TYW1: variants seen among roughly 807,000 people sequenced by gnomAD.
The protein encoded by TYW1 is S-adenosyl-L-methionine-dependent tRNA 4-demethylwyosine synthase TYW1.
In TYW1, 46 loss-of-function variants were observed where a neutral mutation model predicts 96.2. The observed-to-expected ratio is 0.48, with a 90% CI of 0.38 to 0.61. The LOEUF (loss-of-function observed/expected upper bound fraction) is 0.61. Among genes scored for constraint, TYW1 ranks in the 20% least tolerant of loss-of-function variants. The pLI, the probability that TYW1 is intolerant of heterozygous loss-of-function variation, is 0.00. For missense variants in TYW1, 684 were observed against 909.6 expected (o/e 0.75, Z 3.19); for synonymous variants, 274 against 323.0 (o/e 0.85, Z 1.63).
At position 67,000,304 on chromosome 7, in the gene TYW1, T is replaced by A. The variant is rs188761405; in HGVS notation, c.273+1350T>A. ...AAGGTCACAGCTATTTTAAAAAAAT[T>A]TATTTTATTTTTGAGATGGTATCTC... On this transcript the variant is annotated intron_variant, in intron 3 of 15. Coordinates refer to ENST00000359626, the MANE Select transcript of TYW1 (RefSeq NM_018264.4). Among the ~76,000 whole-genome samples the A allele has an allele frequency of 4.1e-4, 63 of 152,040 alleles. 1 individual carries two copies. Among genetic ancestry groups the A allele is most frequent in the Admixed American group, 1.2e-3 (19 of 15,256 alleles).
chr7:66,999,407 T>G (rs1793301023), intron 3 of TYW1, among the ~76,000 whole-genome samples: 1 of 152,306 alleles, frequency 6.6e-6, no homozygotes, highest in Admixed American at 6.5e-5. Context: ...CAGGCTGGAG[T>G]GCAGTGGCAC....
At chr7:67,121,910 G>T (rs59737217) in intron 13 of TYW1, among the ~76,000 whole-genome samples, 30,595 of 134,416 alleles carry the variant, frequency 0.23, 4,349 homozygotes, top group African/African-American at 0.37. Flanking sequence ...GAGTATGTGG[G>T]CTAAAAACCA....
chr7:67,126,116 G>C (rs1479600321), intron 13 of TYW1, among the ~76,000 whole-genome samples: 1 of 144,458 alleles, frequency 6.9e-6, no homozygotes, highest in African/African-American at 2.7e-5. Context: ...TAAGAGTATT[G>C]TTTAGTTTTT....
chr7:67,018,955 C>T lies in TYW1; in HGVS notation c.861+812C>T, dbSNP rs142415253. ...CGGGCGACAGAGTGAGACTCAGTCT[C>T]AAAAAAAAAAAAAAAAAAGAAAAAA... On this transcript the variant is annotated intron_variant, in intron 6 of 15. Coordinates refer to ENST00000359626, the MANE Select transcript of TYW1 (RefSeq NM_018264.4). 0.013 allele frequency among the ~76,000 whole-genome samples: 643 copies of T among 49,104 alleles called. 31 individuals are homozygous for T. In the East Asian group the frequency reaches 0.23, roughly 17 times the overall value. 32.2% of individuals were successfully genotyped at this position (49,104 alleles called of 152,430 possible).
intron 15 of TYW1, among the ~76,000 whole-genome samples, chr7:67,227,360 G>C (rs1801597500): frequency 6.6e-6 from 1 of 152,134 alleles, no homozygotes; most frequent in Admixed American, 6.6e-5. Context: ...AGGTTCAATT[G>C]ATTCTCCTGC....
intron 12 of TYW1, among the ~76,000 whole-genome samples, chr7:67,101,183 T>G (rs1335439535): frequency 6.6e-6 from 1 of 152,184 alleles, no homozygotes; most frequent in Non-Finnish European, 1.5e-5. Context: ...ATGTGCTTAT[T>G]AAGGCCCACT....
intron 7 of TYW1, among the ~76,000 whole-genome samples, chr7:67,043,267 GAACC>G (rs1472581878): frequency 6.6e-6 from 1 of 151,936 alleles, no homozygotes; most frequent in Admixed American, 6.6e-5. Context: ...AGTGTTTAGA[GAACC>G]ATGAGTCAGG....
intron 7 of TYW1, among the ~76,000 whole-genome samples, chr7:67,048,673 G>A (rs921554321): frequency 5.3e-5 from 8 of 152,182 alleles, no homozygotes; most frequent in African/African-American, 1.7e-4. Context: ...GTAATCAAAG[G>A]TGTGCTGGTG....
At chr7:67,179,114 TTGTA>T (rs1799764144) in intron 13 of TYW1, among the ~76,000 whole-genome samples, 1 of 138,100 alleles carries the variant, frequency 7.2e-6, no homozygotes, top group African/African-American at 2.9e-5. Flanking sequence ...AGAATGGGCA[TTGTA>T]TGGGCTCCTG....
At chr7:67,203,196 GGAA>G (rs1800658593) in intron 15 of TYW1, among the ~76,000 whole-genome samples, 2 of 152,296 alleles carry the variant, frequency 1.3e-5, no homozygotes, top group Non-Finnish European at 1.5e-5. Flanking sequence ...TTTCCTCATT[GGAA>G]GAAGGATATA....
intron 15 of TYW1, among the ~76,000 whole-genome samples, chr7:67,207,452 C>G (rs1800842665): frequency 6.6e-6 from 1 of 152,140 alleles, no homozygotes; most frequent in Non-Finnish European, 1.5e-5. Flanking sequence ...CATCAGTGAC[C>G]TGCTAATTGT....
At chr7:67,159,909 T>C (rs1386922802) in intron 13 of TYW1, among the ~76,000 whole-genome samples, 1 of 151,556 alleles carries the variant, frequency 6.6e-6, no homozygotes, top group East Asian at 2.0e-4. Context: ...CACGCCATTC[T>C]CCTGCCTCAG....
At chr7:67,211,920 C>T (rs1238532849) in intron 15 of TYW1, among the ~76,000 whole-genome samples, 1 of 152,132 alleles carries the variant, frequency 6.6e-6, no homozygotes, top group African/African-American at 2.4e-5. Context: ...AATAGAATTC[C>T]ATTCTCTTAT....
At chr7:67,218,665 T>G (rs79801455) in intron 15 of TYW1, among the ~76,000 whole-genome samples, 8 of 152,364 alleles carry the variant, frequency 5.3e-5, no homozygotes, top group South Asian at 2.1e-4. Flanking sequence ...GGCTATTGTT[T>G]ATGAACCTGT....
At chr7:67,056,617 G>A (rs1005324965) in intron 9 of TYW1, among the ~76,000 whole-genome samples, 1 of 152,044 alleles carries the variant, frequency 6.6e-6, no homozygotes, top group African/African-American at 2.4e-5. Context: ...ACATGCATCA[G>A]TAGTTCATTC....
chr7:67,013,237 CT>C, intron 4 of TYW1, among the ~76,000 whole-genome samples: 1 of 152,012 alleles, frequency 6.6e-6, no homozygotes, highest in Non-Finnish European at 1.5e-5. Flanking sequence ...GTTCTCCTGC[CT>C]CAGCCTCCCG....
intron 9 of TYW1, among the ~76,000 whole-genome samples, chr7:67,060,055 G>A (rs1399560517): frequency 2.7e-5 from 4 of 146,956 alleles, no homozygotes. Flanking sequence ...TTACAGGTGT[G>A]AGCCACCGTG....
chr7:67,004,710 C>T lies in TYW1; in HGVS notation c.274-4873C>T, dbSNP rs561947773. ...GCCTGAAAGGATCTTGTTTCTCCTT[C>T]GCTTATGAAGCTTAATTTGGCTGGA... On this transcript the variant is annotated intron_variant, in intron 3 of 15. Coordinates refer to ENST00000359626, the MANE Select transcript of TYW1 (RefSeq NM_018264.4). Among the ~76,000 whole-genome samples, 90 of 152,178 alleles carry T rather than the reference C, an allele frequency of 5.9e-4. 1 individual carries two copies. Among genetic ancestry groups the T allele is most frequent in the Middle Eastern group, 3.4e-3 (1 of 294 alleles).
At chr7:67,166,308 T>TTATATATAATATATAACATATATAA (rs1202878019) in intron 13 of TYW1, among the ~76,000 whole-genome samples, 8 of 134,168 alleles carry the variant, frequency 6.0e-5, no homozygotes, top group South Asian at 2.4e-4. Flanking sequence ...CCAGTACTTT[T>TTATATATAATATATAACATATATAA]TATATATAAT....
Sources: allele counts gnomAD v4.1 joint callset (sites outside exome capture counted in the v4.1 genomes callset), GRCh38; gene constraint gnomAD v4.1.1; transcripts MANE v1.5; gene names NCBI Gene and HGNC (gene_info 2026-07-23, HGNC 2026-07-21).